The following TIAM1 variants were observed in gnomAD, a reference collection of about 807,000 sequenced individuals.
The protein encoded by TIAM1 is rho guanine nucleotide exchange factor TIAM1.
A neutral mutation model predicts 163.5 loss-of-function variants in TIAM1; 65 were observed. The ratio of observed to expected loss-of-function variants is 0.40; its 90% CI spans 0.33 to 0.49. The LOEUF (loss-of-function observed/expected upper bound fraction) is 0.49, where lower values mean the gene tolerates loss of function less well. Among genes scored for constraint, TIAM1 ranks in the 20% least tolerant of loss-of-function variants. The pLI, the probability that TIAM1 is intolerant of heterozygous loss-of-function variation, is 0.77. For synonymous variants in TIAM1, 833 were observed against 810.1 expected, an observed-to-expected ratio of 1.03 and a Z score of -0.48; for missense variants, 1,789 against 2,044.7, an observed-to-expected ratio of 0.87 and a Z score of 2.41.
intron 15 of TIAM1, among the ~76,000 whole-genome samples, chr21:31,173,427 A>C (rs1407897631): frequency 6.6e-6 from 1 of 152,138 alleles, no homozygotes; most frequent in Non-Finnish European, 1.5e-5. Flanking sequence ...TACTGTTATA[A>C]GATTTTAAGA....
chr21:31,133,961 G>A lies in TIAM1; in HGVS notation c.3883+1972C>T, dbSNP rs2082516439. Among the ~76,000 whole-genome samples the A allele has an allele frequency of 2.0e-5, 3 of 151,930 alleles. No individual in the cohort carries two copies. The South Asian group carries it at 6.2e-4, about 32-fold the overall frequency. Reference sequence around the variant, plus strand: ...TGCGTGCCTGTAGTCCCAGCTACTCGGGAGACTGAGACAGGACAATCGCTT... The same window carrying A: ...TGCGTGCCTGTAGTCCCAGCTACTCAGGAGACTGAGACAGGACAATCGCTT... On this transcript the variant is annotated intron_variant, in intron 23 of 27. Transcript: ENST00000541036.
rs375806244 is a variant in TIAM1 at position 31,141,269 on chromosome 21, A to G, written c.3656-33T>C. 73 of 1,613,650 alleles carry G rather than the reference A, an allele frequency of 4.5e-5. No homozygotes were observed. The highest frequency in any genetic ancestry group is 1.3e-5 in the African/African-American group (1 of 74,936). On this transcript the variant is annotated intron_variant, in intron 21 of 27. Coordinates refer to ENST00000541036, the MANE Select transcript of TIAM1 (RefSeq NM_001353694.2). This position sits in a 1 kb window ranked among gnomAD's most constrained non-coding sequence, Gnocchi z 4.7. ...AAAACAGGTTGTGAAATGAGAGGCTATTTAGAGACCCTCATGGAGACTCAG... is the reference window on the plus strand; with the variant it reads ...AAAACAGGTTGTGAAATGAGAGGCTGTTTAGAGACCCTCATGGAGACTCAG...
intron 19 of TIAM1, 66 bp from the exon 20 acceptor site, chr21:31,147,069 T>C: frequency 2.8e-6 from 4 of 1,411,032 alleles, no homozygotes; most frequent in Non-Finnish European, 4.0e-6. Context: ...CAGCAGGTTA[T>C]GGCAGGGAGC....
At chr21:31,529,023 G>A (rs573889301) in intron 1 of TIAM1, among the ~76,000 whole-genome samples, 19 of 148,708 alleles carry the variant, frequency 1.3e-4, no homozygotes, top group East Asian at 6.2e-4. Context: ...CCGGGTTCAC[G>A]CCATTCTCCC....
At chr21:31,174,884 G>C (rs949564436) in intron 15 of TIAM1, among the ~76,000 whole-genome samples, 2 of 152,090 alleles carry the variant, frequency 1.3e-5, no homozygotes, top group Non-Finnish European at 2.9e-5. Flanking sequence ...CCTGACTTCT[G>C]GTGATCCACC....
chr21:31,410,205 A>T (rs897893408), intron 2 of TIAM1, among the ~76,000 whole-genome samples: 6 of 151,332 alleles, frequency 4.0e-5, no homozygotes, highest in South Asian at 2.1e-4. Context: ...AGTGATTGTG[A>T]GTGTGTGTGA....
intron 20 of TIAM1, among the ~76,000 whole-genome samples, chr21:31,144,698 G>A (rs898798658): frequency 5.3e-5 from 8 of 151,692 alleles, no homozygotes; most frequent in Admixed American, 1.3e-4. Context: ...GCATGGTGGC[G>A]TGCACCTGTA....
chr21:31,459,297 A>G (rs950238933), intron 2 of TIAM1, among the ~76,000 whole-genome samples: 5 of 152,046 alleles, frequency 3.3e-5, no homozygotes, highest in Non-Finnish European at 7.4e-5. Flanking sequence ...ATTTTTTCAT[A>G]GAGATTGTCT....
intron 2 of TIAM1, among the ~76,000 whole-genome samples, chr21:31,420,435 G>T (rs925860831): frequency 6.6e-6 from 1 of 152,146 alleles, no homozygotes; most frequent in Non-Finnish European, 1.5e-5. Context: ...CCTTTCCAGG[G>T]AGGCTTACTT....
chr21:31,439,816 G>C (rs768447753), intron 2 of TIAM1, among the ~76,000 whole-genome samples: 3 of 152,172 alleles, frequency 2.0e-5, no homozygotes, highest in Non-Finnish European at 4.4e-5. Flanking sequence ...AAAAGAAATA[G>C]AACCACTTTC....
intron 2 of TIAM1, among the ~76,000 whole-genome samples, chr21:31,357,884 C>G (rs984826991): frequency 6.6e-6 from 1 of 152,226 alleles, no homozygotes; most frequent in African/African-American, 2.4e-5. Context: ...TTCCAAGACA[C>G]CATAAATTCT....
chr21:31,300,087 G>T (rs931552793), intron 2 of TIAM1, among the ~76,000 whole-genome samples: 10 of 152,148 alleles, frequency 6.6e-5, no homozygotes, highest in African/African-American at 2.4e-4. Context: ...TCTCATGAAT[G>T]GGTTAGTACC....
intron 1 of TIAM1, among the ~76,000 whole-genome samples, chr21:31,476,520 A>C (rs978463459): frequency 1.1e-4 from 17 of 152,198 alleles, no homozygotes; most frequent in African/African-American, 3.6e-4. Flanking sequence ...TAAATTACAG[A>C]TTCACTAATA....
At chr21:31,544,392 G>A (rs552227902) in intron 1 of TIAM1, among the ~76,000 whole-genome samples, 9 of 65,398 alleles carry the variant, frequency 1.4e-4, no homozygotes, top group African/African-American at 3.2e-4. Flanking sequence ...ATTTGGTTCC[G>A]GTGAAATGGA....
intron 8 of TIAM1, among the ~76,000 whole-genome samples, chr21:31,221,002 C>G (rs568752480): frequency 6.6e-6 from 1 of 152,244 alleles, no homozygotes; most frequent in South Asian, 2.1e-4. Flanking sequence ...ATCTACCCAG[C>G]CCTGTTACCC....
At chr21:31,457,102 G>A (rs112770597) in intron 2 of TIAM1, among the ~76,000 whole-genome samples, 100 of 152,138 alleles carry the variant, frequency 6.6e-4, no homozygotes, top group African/African-American at 2.2e-3. Flanking sequence ...TCTCCTCCCT[G>A]ATCATTTTTT....
At chr21:31,235,408 C>T (rs939343652) in intron 6 of TIAM1, among the ~76,000 whole-genome samples, 14 of 152,150 alleles carry the variant, frequency 9.2e-5, no homozygotes, top group Non-Finnish European at 1.9e-4. Flanking sequence ...GTGCTTTAAT[C>T]CTAAATGTTC....
Position 31,380,223 on chromosome 21 carries a change from A to G in TIAM1, c.-368-40801T>C, listed in dbSNP as rs558969400. Among the ~76,000 whole-genome samples, 4 of 152,224 alleles carry G rather than the reference A, an allele frequency of 2.6e-5. No homozygotes were observed. In the East Asian group the frequency reaches 7.7e-4, roughly 29 times the overall value. ...GGTTGCAGTTGGAGCACGCCACCGC[A>G]CTCTAGCCTGAGCGAAATAGTGAGA... is the stretch of plus-strand genomic sequence containing the variant. On this transcript the variant is annotated intron_variant, in intron 2 of 28. Transcript: ENST00000286827.
intron 2 of TIAM1, among the ~76,000 whole-genome samples, chr21:31,385,029 G>C (rs935325302): frequency 2.0e-5 from 3 of 152,104 alleles, no homozygotes; most frequent in African/African-American, 7.2e-5. Flanking sequence ...GGAGGTGTTT[G>C]GGTCATAGGA....
Sources: allele counts gnomAD v4.1 joint callset (sites outside exome capture counted in the v4.1 genomes callset), GRCh38; gene constraint gnomAD v4.1.1; non-coding constraint Gnocchi (gnomAD v3.1); transcripts MANE v1.5; gene names NCBI Gene and HGNC (gene_info 2026-07-23, HGNC 2026-07-21).